SULT4A1: variants seen among roughly 807,000 people sequenced by gnomAD.
SULT4A1 encodes sulfotransferase 4A1.
A neutral mutation model predicts 35.2 loss-of-function variants in SULT4A1; 11 were observed. That is an observed-to-expected ratio of 0.31 (90% CI 0.20 to 0.52). SULT4A1 has a LOEUF of 0.52. Ranked by LOEUF, SULT4A1 falls within the 20% of genes least tolerant of loss-of-function variation. SULT4A1 has a pLI of 0.97. For missense variants in SULT4A1, 271 were observed against 383.7 expected, an observed-to-expected ratio of 0.71 and a Z score of 2.45; for synonymous variants, 152 against 151.8, an observed-to-expected ratio of 1.00 and a Z score of -0.01.
intron 1 of SULT4A1, among the ~76,000 whole-genome samples, chr22:43,859,360 AT>A (rs1422288524): frequency 6.6e-6 from 1 of 152,264 alleles, no homozygotes; most frequent in Non-Finnish European, 1.5e-5. Flanking sequence ...ATCAGTGAGA[AT>A]GCGCACACAC....
intron 1 of SULT4A1, among the ~76,000 whole-genome samples, chr22:43,861,682 G>C (rs764478073): frequency 3.3e-5 from 5 of 152,248 alleles, no homozygotes; most frequent in Non-Finnish European, 7.3e-5. Context: ...GTACAAGCAA[G>C]GCACTCCAGG....
At chr22:43,835,513 AACCTCCAATTTCTGCAGAATAAAGC>A (rs1250585305) in intron 4 of SULT4A1, among the ~76,000 whole-genome samples, 1 of 152,096 alleles carries the variant, frequency 6.6e-6, no homozygotes, top group African/African-American at 2.4e-5. Context: ...ATCCCACCAA[AACCTCCAATTTCTGCAGAATAAAGC>A]TGAGTCCCAG....
chr22:43,862,435 G>GCCCGCA lies in SULT4A1; in HGVS notation c.-54_-53insTGCGGG, dbSNP rs2049484945. On this transcript the variant is annotated 5_prime_UTR_variant, in exon 1 of 7. Coordinates refer to ENST00000330884, the MANE Select transcript of SULT4A1 (RefSeq NM_014351.4). The stretch of plus-strand genomic sequence containing the variant: ...GCCTCCCGGCTCGCAGCCCGCACGC[G>GCCCGCA]CCCGCGCCCGCGCCCGCGCCCGCGC... 2 of 502,444 alleles carry GCCCGCA rather than the reference G, an allele frequency of 4.0e-6. No individual in the cohort carries two copies. The highest frequency in any genetic ancestry group is 2.4e-6 in the Non-Finnish European group (1 of 417,686). The allele number at this position is 502,444 out of a possible 1,614,324, so 31.1% of individuals were successfully genotyped here.
chr22:43,835,990 T>G (rs965314254), intron 4 of SULT4A1, among the ~76,000 whole-genome samples: 2 of 152,204 alleles, frequency 1.3e-5, no homozygotes, highest in African/African-American at 4.8e-5. Flanking sequence ...TCCACGCTTT[T>G]CCCTGGGCTC....
chr22:43,841,714 G>A, intron 2 of SULT4A1, 88 bp downstream of exon 2: 5 of 1,535,098 alleles, frequency 3.3e-6, no homozygotes, highest in South Asian at 1.2e-5. Context: ...AATCCACAGA[G>A]CCCCCAGGAG....
At position 43,827,732 on chromosome 22, in the gene SULT4A1, A is replaced by T. The variant is rs1039749861; in HGVS notation, c.742+1328T>A. On this transcript the variant is annotated intron_variant, in intron 6 of 6. Coordinates refer to ENST00000330884, the MANE Select transcript of SULT4A1 (RefSeq NM_014351.4). Reference sequence around the variant, plus strand: ...CAAGGGAAGGAGCATATGGGCACACAGTATGTTCTCGACGCTGCTTCACCA... The same window carrying T: ...CAAGGGAAGGAGCATATGGGCACACTGTATGTTCTCGACGCTGCTTCACCA... 1.3e-5 allele frequency: 11 copies of T among 874,910 alleles called. 1 individual carries two copies. The highest frequency in any genetic ancestry group is 1.9e-5 in the Non-Finnish European group (11 of 593,320). The allele number at this position is 874,910 out of a possible 1,614,324, so 54.2% of individuals were successfully genotyped here. A position where few individuals can be genotyped will look rare whatever the true frequency, so the allele number is the denominator to read the frequency against.
At chr22:43,839,727 CTG>C (rs2063409101) in intron 3 of SULT4A1, among the ~76,000 whole-genome samples, 1 of 152,222 alleles carries the variant, frequency 6.6e-6, no homozygotes, top group African/African-American at 2.4e-5. Context: ...CCATGTTTGA[CTG>C]TGAGGTAAAA....
rs548739318 is a variant in SULT4A1 at position 43,851,378 on chromosome 22, CTT to C, written c.170-9448_170-9447del. ...ACATGGTCTTTGCTTTCTCGGAGTTCTTTTTTCTGCTTTGTGTTTTGTCTCTG... is the reference window on the plus strand; with the variant it reads ...ACATGGTCTTTGCTTTCTCGGAGTTCTTTTCTGCTTTGTGTTTTGTCTCTG... On this transcript the variant is annotated intron_variant, in intron 1 of 6. Coordinates refer to ENST00000330884, the MANE Select transcript of SULT4A1 (RefSeq NM_014351.4). Among the ~76,000 whole-genome samples the C allele has an allele frequency of 4.9e-4, 74 of 152,240 alleles. 1 individual carries two copies. The South Asian group carries it at 0.015, about 30-fold the overall frequency.
At position 43,845,520 on chromosome 22, in the gene SULT4A1, C is replaced by T. The variant is rs966733648; in HGVS notation, c.170-3588G>A. Among the ~76,000 whole-genome samples the T allele has an allele frequency of 1.1e-4, 16 of 152,140 alleles. No homozygotes were observed. The East Asian group carries it at 3.1e-3, about 29-fold the overall frequency. Reference sequence around the variant, plus strand: ...CCTCAGTGAGCCCCGCCGACCCTGCCGTCGGGTGTGTCCAGAGCTGACCCT... The same window carrying T: ...CCTCAGTGAGCCCCGCCGACCCTGCTGTCGGGTGTGTCCAGAGCTGACCCT... On this transcript the variant is annotated intron_variant, in intron 1 of 6. Transcript: ENST00000330884.
chr22:43,848,839 G>A (rs2063492876), intron 1 of SULT4A1, among the ~76,000 whole-genome samples: 1 of 152,234 alleles, frequency 6.6e-6, no homozygotes, highest in African/African-American at 2.4e-5. Context: ...ACCCTGAGTG[G>A]GGAAGAGTCA....
At chr22:43,847,200 C>T (rs1172768460) in intron 1 of SULT4A1, among the ~76,000 whole-genome samples, 4 of 151,922 alleles carry the variant, frequency 2.6e-5, no homozygotes, top group African/African-American at 4.8e-5. Flanking sequence ...GGAGGGGCAC[C>T]GAGAACACAC....
At chr22:43,853,801 C>T (rs1195806160) in intron 1 of SULT4A1, among the ~76,000 whole-genome samples, 3 of 152,244 alleles carry the variant, frequency 2.0e-5, no homozygotes, top group African/African-American at 7.2e-5. Flanking sequence ...GGCTGCTGCA[C>T]CTTCAGACAG....
chr22:43,837,107 T>A (rs1294888095), intron 4 of SULT4A1, among the ~76,000 whole-genome samples: 1 of 152,246 alleles, frequency 6.6e-6, no homozygotes, highest in Non-Finnish European at 1.5e-5. Flanking sequence ...AGGGTTCCCG[T>A]GCATATTAGT....
At position 43,862,110 on chromosome 22, in the gene SULT4A1, G is replaced by A. The variant is rs1447896607; in HGVS notation, c.169+104C>T. The A allele has an allele frequency of 9.6e-6, 9 of 939,838 alleles. No homozygotes were observed. In the African/African-American group the frequency reaches 1.1e-4, roughly 11 times the overall value. The allele number at this position is 939,838 out of a possible 1,614,324, so 58.2% of individuals were successfully genotyped here. On this transcript the variant is annotated intron_variant, in intron 1 of 6. Transcript: ENST00000330884. ...CACGGCAGGGGCGGAGGCCAAGGGCGACCACCCGGCCCAGCAGAAGCCCCG... is the reference window on the plus strand; with the variant it reads ...CACGGCAGGGGCGGAGGCCAAGGGCAACCACCCGGCCCAGCAGAAGCCCCG...
At chr22:43,836,392 CA>C (rs1387662166) in intron 4 of SULT4A1, among the ~76,000 whole-genome samples, 2 of 141,818 alleles carry the variant, frequency 1.4e-5, no homozygotes, top group Non-Finnish European at 3.1e-5. Flanking sequence ...ACCCTGTCTA[CA>C]CAGCGTCCTC....
chr22:43,847,175 G>A (rs578151636), intron 1 of SULT4A1, among the ~76,000 whole-genome samples: 1 of 152,074 alleles, frequency 6.6e-6, no homozygotes, highest in African/African-American at 2.4e-5. Flanking sequence ...GCAGGTCAAC[G>A]TGGGCATCAG....
chr22:43,857,184 A>C (rs1436060875), intron 1 of SULT4A1, among the ~76,000 whole-genome samples: 2 of 152,166 alleles, frequency 1.3e-5, no homozygotes, highest in African/African-American at 2.4e-5. Flanking sequence ...GACACAGCAG[A>C]AGAAAGGAGC....
chr22:43,838,257 C>A (rs1168774924), intron 4 of SULT4A1, among the ~76,000 whole-genome samples: 1 of 152,266 alleles, frequency 6.6e-6, no homozygotes, highest in East Asian at 1.9e-4. Flanking sequence ...TGGAACCCAG[C>A]CTCGCTCCTC....
chr22:43,848,912 G>A (rs898487511), intron 1 of SULT4A1, among the ~76,000 whole-genome samples: 1 of 152,228 alleles, frequency 6.6e-6, no homozygotes, highest in Non-Finnish European at 1.5e-5. Context: ...AGTGACTCGA[G>A]CCAAACGCTC....
Sources: allele counts gnomAD v4.1 joint callset (sites outside exome capture counted in the v4.1 genomes callset), GRCh38; gene constraint gnomAD v4.1.1; transcripts MANE v1.5; gene names NCBI Gene and HGNC (gene_info 2026-07-23, HGNC 2026-07-21).